Variants in LRRC4C observed in about 807,000 individuals in gnomAD.
LRRC4C encodes leucine rich repeat containing 4C.
A neutral mutation model predicts 33.6 loss-of-function variants in LRRC4C; 5 were observed. That is an observed-to-expected ratio of 0.15 (90% CI 0.08 to 0.31). The LOEUF (loss-of-function observed/expected upper bound fraction) is 0.31. Among genes scored for constraint, LRRC4C ranks in the 10% least tolerant of loss-of-function variants. The pLI, the probability that LRRC4C is intolerant of heterozygous loss-of-function variation, is 1.00. For synonymous variants in LRRC4C, 329 were observed against 302.0 expected (o/e 1.09, Z -0.93); for missense variants, 560 against 796.7 (o/e 0.70, Z 3.58).
At position 41,040,816 on chromosome 11, in the gene LRRC4C, C is replaced by A. The variant is rs562714265; in HGVS notation, c.-495-107093G>T. ...AACTGATTAAATATACAACCACCTT[C>A]TTTGGTATTTAATGACTCTTGAAGC... On this transcript the variant is annotated intron_variant, in intron 1 of 6. Transcript: ENST00000528697. Among the ~76,000 whole-genome samples, 33 of 152,308 alleles carry A rather than the reference C, an allele frequency of 2.2e-4. No homozygotes were observed. The South Asian group carries it at 2.5e-3, about 11-fold the overall frequency.
intron 3 of LRRC4C, among the ~76,000 whole-genome samples, chr11:40,389,294 TAAGA>T (rs1479555068): frequency 6.6e-6 from 1 of 152,080 alleles, no homozygotes; most frequent in East Asian, 1.9e-4. Flanking sequence ...TCTGTGCCAC[TAAGA>T]AAGAGCAGGG....
At chr11:41,279,702 G>A (rs1266344832) in intron 1 of LRRC4C, among the ~76,000 whole-genome samples, 2 of 151,904 alleles carry the variant, frequency 1.3e-5, no homozygotes, top group Non-Finnish European at 2.9e-5. Flanking sequence ...TTTCCTTTTT[G>A]GCCAGAAGGA....
At chr11:40,531,182 G>T (rs988818122) in intron 3 of LRRC4C, among the ~76,000 whole-genome samples, 1 of 152,060 alleles carries the variant, frequency 6.6e-6, no homozygotes, top group East Asian at 1.9e-4. Context: ...TGAGAGGAAA[G>T]TATGGAAATT....
intron 2 of LRRC4C, among the ~76,000 whole-genome samples, chr11:40,726,464 G>A (rs1303977029): frequency 1.3e-5 from 2 of 152,122 alleles, no homozygotes; most frequent in Non-Finnish European, 2.9e-5. Context: ...CAATCAAGTA[G>A]CCTTCATTCC....
chr11:41,435,851 C>A (rs1164774741), intron 1 of LRRC4C, among the ~76,000 whole-genome samples: 2 of 152,310 alleles, frequency 1.3e-5, no homozygotes, highest in African/African-American at 4.8e-5. Flanking sequence ...TTATTTAACA[C>A]AAGACTTCTT....
At chr11:40,434,708 T>C (rs1171975127) in intron 3 of LRRC4C, among the ~76,000 whole-genome samples, 1 of 152,182 alleles carries the variant, frequency 6.6e-6, no homozygotes, top group Non-Finnish European at 1.5e-5. Flanking sequence ...TTGAACACAA[T>C]AGAACTCTAT....
chr11:41,296,315 CT>C (rs11347878), intron 1 of LRRC4C, among the ~76,000 whole-genome samples: 60,164 of 147,348 alleles, frequency 0.41, 12,639 homozygotes, highest in Non-Finnish European at 0.49. Context: ...TTATGCTGTG[CT>C]TTTTTTTTTT....
chr11:41,380,947 A>C (rs1490827998), intron 1 of LRRC4C, among the ~76,000 whole-genome samples: 1 of 152,172 alleles, frequency 6.6e-6, no homozygotes, highest in African/African-American at 2.4e-5. Context: ...TAGTGGTTAG[A>C]AGTGAAGAAG....
intron 2 of LRRC4C, among the ~76,000 whole-genome samples, chr11:40,723,093 A>G (rs1247266413): frequency 6.6e-6 from 1 of 152,128 alleles, no homozygotes; most frequent in Non-Finnish European, 1.5e-5. Context: ...GCCTCCAAGA[A>G]ATGTGGAATT....
At chr11:40,269,262 A>G in intron 4 of LRRC4C, among the ~76,000 whole-genome samples, 1 of 152,182 alleles carries the variant, frequency 6.6e-6, no homozygotes, top group South Asian at 2.1e-4. Context: ...TTCCACTACA[A>G]AGAACATATT....
intron 5 of LRRC4C, among the ~76,000 whole-genome samples, chr11:40,202,947 T>C (rs1479410949): frequency 6.6e-6 from 1 of 152,200 alleles, no homozygotes; most frequent in Admixed American, 6.5e-5. Context: ...TCACTTCAAA[T>C]ATTAATTATA....
intron 1 of LRRC4C, among the ~76,000 whole-genome samples, chr11:41,449,683 C>T (rs569925974): frequency 1.5e-4 from 23 of 151,358 alleles, no homozygotes; most frequent in African/African-American, 5.1e-4. Flanking sequence ...TGGTAAGTGA[C>T]TCTCTACTGG....
At chr11:41,267,133 C>T (rs1949176270) in intron 1 of LRRC4C, among the ~76,000 whole-genome samples, 1 of 152,090 alleles carries the variant, frequency 6.6e-6, no homozygotes, top group Non-Finnish European at 1.5e-5. Flanking sequence ...TACTTTCACA[C>T]TGAGAAGTAT....
chr11:40,194,243 C>T (rs1427700848), intron 5 of LRRC4C, among the ~76,000 whole-genome samples: 2 of 152,200 alleles, frequency 1.3e-5, no homozygotes, highest in Admixed American at 6.5e-5. Context: ...GCCCATCAGA[C>T]TAACAGCAGA....
At chr11:40,886,987 T>C (rs1955495808) in intron 2 of LRRC4C, among the ~76,000 whole-genome samples, 2 of 147,560 alleles carry the variant, frequency 1.4e-5, no homozygotes, top group African/African-American at 5.1e-5. Context: ...TATATACGTG[T>C]ATATATCTAC....
chr11:40,724,239 G>C (rs1947176776), intron 2 of LRRC4C, among the ~76,000 whole-genome samples: 1 of 152,094 alleles, frequency 6.6e-6, no homozygotes, highest in Non-Finnish European at 1.5e-5. Context: ...GACTCTATTT[G>C]ACACTTGACC....
At chr11:40,605,843 C>A (rs886500890) in intron 3 of LRRC4C, among the ~76,000 whole-genome samples, 2 of 152,192 alleles carry the variant, frequency 1.3e-5, no homozygotes, top group African/African-American at 4.8e-5. Context: ...TCCCAACTCC[C>A]AGATGCTTTC....
chr11:40,830,082 A>AGG, intron 2 of LRRC4C, among the ~76,000 whole-genome samples: 1 of 151,874 alleles, frequency 6.6e-6, no homozygotes, highest in African/African-American at 2.4e-5. Context: ...GTATGTTTAG[A>AGG]GGCCTTAAGG....
chr11:40,883,264 A>T (rs1406986152), intron 2 of LRRC4C, among the ~76,000 whole-genome samples: 1 of 152,090 alleles, frequency 6.6e-6, no homozygotes, highest in East Asian at 1.9e-4. Context: ...AAAGAAATGC[A>T]ACTTTCCAGT....
Sources: allele counts gnomAD v4.1 joint callset (sites outside exome capture counted in the v4.1 genomes callset), GRCh38; gene constraint gnomAD v4.1.1; transcripts MANE v1.5; gene names NCBI Gene and HGNC (gene_info 2026-07-23, HGNC 2026-07-21).